FARP1: variants seen among roughly 807,000 people sequenced by gnomAD.
The protein encoded by FARP1 is FERM, ARHGEF and pleckstrin domain-containing protein 1.
In FARP1, 52 loss-of-function variants were observed where a neutral mutation model predicts 128.8. That is an observed-to-expected ratio of 0.40 (90% CI 0.32 to 0.51). The LOEUF (loss-of-function observed/expected upper bound fraction) is 0.51, where lower values mean the gene tolerates loss of function less well. Ranked by LOEUF, FARP1 falls within the 20% of genes least tolerant of loss-of-function variation. FARP1 has a pLI of 0.45. For synonymous variants in FARP1, 580 were observed against 551.8 expected, an observed-to-expected ratio of 1.05 and a Z score of -0.72; for missense variants, 1,333 against 1,367.9, an observed-to-expected ratio of 0.97 and a Z score of 0.40.
At chr13:98,206,513 C>A (rs1211622235) in intron 1 of FARP1, among the ~76,000 whole-genome samples, 1 of 152,198 alleles carries the variant, frequency 6.6e-6, no homozygotes, top group Non-Finnish European at 1.5e-5. Context: ...CCTCTCCAAG[C>A]ATTTTCCTTC....
At chr13:98,416,870 C>T (rs1891394148) in intron 16 of FARP1, among the ~76,000 whole-genome samples, 1 of 152,142 alleles carries the variant, frequency 6.6e-6, no homozygotes, top group Admixed American at 6.5e-5. Flanking sequence ...AGCAGTCAGT[C>T]GTACAAAGAG....
chr13:98,264,384 T>G (rs1884006140), intron 2 of FARP1, among the ~76,000 whole-genome samples: 1 of 152,242 alleles, frequency 6.6e-6, no homozygotes, highest in South Asian at 2.1e-4. Flanking sequence ...GCCATCTCAC[T>G]TCGTCCCGCC....
At chr13:98,292,713 C>T (rs1566841660) in intron 2 of FARP1, among the ~76,000 whole-genome samples, 1 of 152,064 alleles carries the variant, frequency 6.6e-6, no homozygotes, top group Non-Finnish European at 1.5e-5. Context: ...AATTATCATA[C>T]ATGTCACTCA....
chr13:98,178,999 C>G (rs1277280758), intron 1 of FARP1, among the ~76,000 whole-genome samples: 1 of 152,150 alleles, frequency 6.6e-6, no homozygotes, highest in Non-Finnish European at 1.5e-5. Flanking sequence ...ACTGGACTGT[C>G]CTTTGTGTGA....
At position 98,393,659 on chromosome 13, in the gene FARP1, C is replaced by G. The variant is rs933464705; in HGVS notation, c.1105C>G (p.His369Asp). The change falls in exon 12 of 27, where the codon CAT (histidine) becomes GAT (aspartate). Residue 369 changes from histidine to aspartate, a missense_variant. His to Asp is a moderately conservative substitution (Grantham distance 81). This residue lies in a region of FARP1 where 1,009 missense variants were observed against 969.8 expected (regional missense o/e 1.04). Coordinates refer to ENST00000319562, the MANE Select transcript of FARP1 (RefSeq NM_005766.4). ...VQFERKHSKI[H>D]SIRSLASQPT... Reference sequence around the variant, plus strand: ...TTTTCCCAGGAAGCACAGCAAGATTCATTCTATCCGGAGCCTTGCTTCACA... The same window carrying G: ...TTTTCCCAGGAAGCACAGCAAGATTGATTCTATCCGGAGCCTTGCTTCACA... The G allele has an allele frequency of 1.1e-5, 17 of 1,613,818 alleles. No individual in the cohort carries two copies. Among genetic ancestry groups the G allele is most frequent in the Admixed American group, 5.0e-5 (3 of 60,010 alleles).
In FARP1 at chr13:98,417,167, G is replaced by A. The variant is rs7331756; in HGVS notation, c.1826+5133G>A. Reference sequence around the variant, plus strand: ...AGAAAGAAGCATACAAGTACGATAAGGGAAGATGAGCTTGCTTTGGGAATG... The same window carrying A: ...AGAAAGAAGCATACAAGTACGATAAAGGAAGATGAGCTTGCTTTGGGAATG... On this transcript the variant is annotated intron_variant, in intron 16 of 26. Coordinates refer to ENST00000319562, the MANE Select transcript of FARP1 (RefSeq NM_005766.4). Among the ~76,000 whole-genome samples the A allele has an allele frequency of 2.7e-3, 407 of 152,218 alleles. 4 individuals are homozygous for A. The highest frequency in any genetic ancestry group is 9.1e-3 in the African/African-American group (378 of 41,528).
chr13:98,274,325 G>T (rs1183969183), intron 2 of FARP1, among the ~76,000 whole-genome samples: 1 of 152,184 alleles, frequency 6.6e-6, no homozygotes, highest in East Asian at 1.9e-4. Context: ...GCGCGGGGCA[G>T]CGTGGGGCTC....
intron 3 of FARP1, among the ~76,000 whole-genome samples, chr13:98,360,089 G>GTTT (rs1888803349): frequency 7.9e-6 from 1 of 126,552 alleles, no homozygotes; most frequent in African/African-American, 2.9e-5. Context: ...AGATTGTGTT[G>GTTT]CTTTTTTTTT....
intron 2 of FARP1, among the ~76,000 whole-genome samples, chr13:98,263,144 G>C (rs1178729818): frequency 6.6e-6 from 1 of 152,036 alleles, no homozygotes; most frequent in Non-Finnish European, 1.5e-5. Flanking sequence ...GAGTAGCTGG[G>C]ATTACATGCT....
At chr13:98,392,515 GAAA>G (rs952604079) in intron 11 of FARP1, among the ~76,000 whole-genome samples, 4 of 150,442 alleles carry the variant, frequency 2.7e-5, no homozygotes, top group African/African-American at 9.8e-5. Flanking sequence ...AAAAAAAAGA[GAAA>G]AAAGAAAAAC....
Position 98,440,050 on chromosome 13 carries a change from C to T in FARP1, c.2516+7C>T, listed in dbSNP as rs370893107. ...CCATCATCGTGGCCGCCAGGTAACT[C>T]GGGAGCCCGCCCCTTGCCTGTTTCC... On this transcript the variant is annotated splice_region_variant and intron_variant, in intron 22 of 26. Transcript: ENST00000319562. 7.6e-5 allele frequency: 122 copies of T among 1,607,542 alleles called. No individual in the cohort carries two copies. Among genetic ancestry groups the T allele is most frequent in the Middle Eastern group, 1.6e-4 (1 of 6,062 alleles).
intron 13 of FARP1, chr13:98,397,470 T>G (rs1241723013): frequency 6.6e-6 from 1 of 152,206 alleles, no homozygotes; most frequent in Non-Finnish European, 1.5e-5. Context: ...CTTGGATGTT[T>G]CTCTGAGCCA....
chr13:98,215,237 G>A (rs993242402), intron 2 of FARP1, among the ~76,000 whole-genome samples: 2 of 152,146 alleles, frequency 1.3e-5, no homozygotes, highest in African/African-American at 4.8e-5. Flanking sequence ...ATTTCTGATG[G>A]CTTATGCTTT....
chr13:98,277,148 A>ACACACACACACACACACACAC (rs372627844), intron 2 of FARP1, among the ~76,000 whole-genome samples: 2 of 138,578 alleles, frequency 1.4e-5, no homozygotes, highest in Non-Finnish European at 3.2e-5. Context: ...ACACACACAC[A>ACACACACACACACACACACAC]CCCCATATGT....
At position 98,404,408 on chromosome 13, in the gene FARP1, A is replaced by C. The variant is rs1488945620; in HGVS notation, c.1415-4930A>C. ...ACCGCCAGCTTTGCGTATTCCACTGAGCCCCAACTTAGATATCAGACGCTA... is the reference window on the plus strand; with the variant it reads ...ACCGCCAGCTTTGCGTATTCCACTGCGCCCCAACTTAGATATCAGACGCTA... On this transcript the variant is annotated intron_variant, in intron 13 of 26. Coordinates refer to ENST00000319562, the MANE Select transcript of FARP1 (RefSeq NM_005766.4). 4 of 151,728 alleles carry C rather than the reference A, an allele frequency of 2.6e-5. No individual in the cohort carries two copies. The East Asian group carries it at 7.7e-4, about 29-fold the overall frequency. The allele number at this position is 151,728 out of a possible 1,614,324, so 9.4% of individuals were successfully genotyped here.
intron 2 of FARP1, among the ~76,000 whole-genome samples, chr13:98,274,415 G>A (rs1348010152): frequency 6.6e-6 from 1 of 152,144 alleles, no homozygotes; most frequent in East Asian, 1.9e-4. Context: ...AGAAGAGACT[G>A]AGGGAGGAAG....
intron 2 of FARP1, among the ~76,000 whole-genome samples, chr13:98,291,118 A>G (rs1329601579): frequency 6.6e-6 from 1 of 152,162 alleles, no homozygotes; most frequent in Non-Finnish European, 1.5e-5. Context: ...TTAACTACTA[A>G]TAGCCTACTG....
At chr13:98,301,649 C>G (rs950452013) in intron 2 of FARP1, among the ~76,000 whole-genome samples, 3 of 152,026 alleles carry the variant, frequency 2.0e-5, no homozygotes, top group African/African-American at 7.2e-5. Context: ...GGGATAGAAC[C>G]TAAAGAAGAG....
intron 1 of FARP1, among the ~76,000 whole-genome samples, chr13:98,153,985 GCT>G (rs1876318562): frequency 6.6e-6 from 1 of 152,108 alleles, no homozygotes; most frequent in Non-Finnish European, 1.5e-5. Flanking sequence ...ACCTGTCTTT[GCT>G]CTGTCACTAA....
Sources: gnomAD v4.1 joint callset for allele counts (sites outside exome capture counted in the v4.1 genomes callset) on GRCh38, gnomAD v4.1.1 for gene constraint, gnomAD v4.1.1 regional missense constraint, MANE v1.5 for transcripts, NCBI Gene and HGNC (gene_info 2026-07-23, HGNC 2026-07-21) for gene names.